SCHIP1: variants seen among roughly 807,000 people sequenced by gnomAD.
The protein encoded by SCHIP1 is schwannomin-interacting protein 1.
In SCHIP1, 8 loss-of-function variants were observed where a neutral mutation model predicts 29.7. The observed-to-expected ratio is 0.27, with a 90% CI of 0.16 to 0.49. The LOEUF (loss-of-function observed/expected upper bound fraction) is 0.49. Ranked by LOEUF, SCHIP1 falls within the 20% of genes least tolerant of loss-of-function variation. The pLI is 0.99. For synonymous variants in SCHIP1, 76 were observed against 94.9 expected (o/e 0.80, Z 1.16); for missense variants, 193 against 294.6 (o/e 0.66, Z 2.52).
the SCHIP1 span, among the ~76,000 whole-genome samples, chr3:159,811,495 T>C: frequency 5.3e-5 from 8 of 152,350 alleles, no homozygotes; most frequent in Admixed American, 2.6e-4. Flanking sequence ...TTCATCTTTC[T>C]GCATGCAGAT....
At chr3:159,629,142 AACAC>A in the SCHIP1 span, among the ~76,000 whole-genome samples, 2 of 150,396 alleles carry the variant, frequency 1.3e-5, no homozygotes, top group African/African-American at 4.9e-5. Flanking sequence ...GTTAAACAAA[AACAC>A]ACACACACAC....
chr3:159,665,546 T>TTGTATGTGTGTGTGTGTGTGTGTG, the SCHIP1 span, among the ~76,000 whole-genome samples: 33 of 147,460 alleles, frequency 2.2e-4, no homozygotes, highest in African/African-American at 8.0e-4. Context: ...GTTTTTGGGG[T>TTGTATGTGTGTGTGTGTGTGTGTG]TGTGTGTGTG....
At chr3:159,314,954 C>T in the SCHIP1 span, among the ~76,000 whole-genome samples, 7 of 152,224 alleles carry the variant, frequency 4.6e-5, no homozygotes, top group African/African-American at 7.2e-5. Flanking sequence ...AGGAACTGTG[C>T]GGCTATGAAC....
At chr3:159,674,069 C>A in the SCHIP1 span, among the ~76,000 whole-genome samples, 1 of 152,162 alleles carries the variant, frequency 6.6e-6, no homozygotes, top group East Asian at 1.9e-4. Context: ...ACACTACTTC[C>A]TTTGTTCTTC....
At chr3:159,518,280 T>C in the SCHIP1 span, among the ~76,000 whole-genome samples, 588 of 151,928 alleles carry the variant, frequency 3.9e-3, 3 homozygotes, top group African/African-American at 0.013. Flanking sequence ...ATTTAGAAAA[T>C]GATTGCATTT....
intron 1 of SCHIP1, among the ~76,000 whole-genome samples, chr3:159,858,633 T>C (rs1420935806): frequency 6.6e-6 from 1 of 152,214 alleles, no homozygotes; most frequent in Admixed American, 6.5e-5. Flanking sequence ...AGTTAGTTAT[T>C]AATTGTAAAT....
the SCHIP1 span, among the ~76,000 whole-genome samples, chr3:159,494,551 C>T: frequency 6.6e-6 from 1 of 152,180 alleles, no homozygotes; most frequent in South Asian, 2.1e-4. Flanking sequence ...AAGCCTAAAC[C>T]AGGAAGAATT....
intron 2 of SCHIP1, among the ~76,000 whole-genome samples, chr3:159,882,700 A>T (rs1473135260): frequency 2.0e-5 from 3 of 152,150 alleles, no homozygotes; most frequent in Non-Finnish European, 2.9e-5. Context: ...AGTTTTTGAG[A>T]TATTCTATTC....
At chr3:159,432,001 A>T in the SCHIP1 span, among the ~76,000 whole-genome samples, 1 of 151,930 alleles carries the variant, frequency 6.6e-6, no homozygotes, top group African/African-American at 2.4e-5. Context: ...AAGCAGTAGT[A>T]TAAAACTATA....
the SCHIP1 span, among the ~76,000 whole-genome samples, chr3:159,382,132 A>G: frequency 6.6e-6 from 1 of 151,380 alleles, no homozygotes; most frequent in African/African-American, 2.4e-5. Flanking sequence ...CTATACTTTA[A>G]GTTTTAGGGT....
chr3:159,527,018 A>G, the SCHIP1 span, among the ~76,000 whole-genome samples: 1 of 152,154 alleles, frequency 6.6e-6, no homozygotes, highest in Non-Finnish European at 1.5e-5. Flanking sequence ...ACCTATTATG[A>G]CATACACACA....
the SCHIP1 span, among the ~76,000 whole-genome samples, chr3:159,482,893 T>C: frequency 2.0e-5 from 3 of 152,190 alleles, no homozygotes; most frequent in Non-Finnish European, 2.9e-5. Context: ...AAATGTCAAA[T>C]GGCCAGGCAG....
the SCHIP1 span, among the ~76,000 whole-genome samples, chr3:159,417,964 G>C: frequency 6.6e-6 from 1 of 152,118 alleles, no homozygotes; most frequent in Admixed American, 6.6e-5. Context: ...ACAACATTCA[G>C]ATATATGAGT....
the SCHIP1 span, among the ~76,000 whole-genome samples, chr3:159,728,016 T>A: frequency 0.012 from 1,763 of 150,402 alleles, 17 homozygotes; most frequent in Non-Finnish European, 0.017. Flanking sequence ...TTTTTTTTTT[T>A]AAAAAGGCAA....
the SCHIP1 span, among the ~76,000 whole-genome samples, chr3:159,586,785 GAGGCCTGA>G: frequency 1.4e-3 from 219 of 152,240 alleles, no homozygotes; most frequent in African/African-American, 5.0e-3. Flanking sequence ...CTGGAATGAT[GAGGCCTGA>G]AGTCCTTCCA....
the SCHIP1 span, among the ~76,000 whole-genome samples, chr3:159,668,351 T>C: frequency 3.2e-5 from 4 of 123,904 alleles, no homozygotes; most frequent in Non-Finnish European, 4.6e-5. Context: ...CACTCCAGTC[T>C]GGGCGACAGA....
chr3:159,832,554 G>T, the SCHIP1 span, among the ~76,000 whole-genome samples: 4 of 152,056 alleles, frequency 2.6e-5, no homozygotes, highest in Admixed American at 6.6e-5. Flanking sequence ...CAACCACCCA[G>T]CTTCCACCCC....
At chr3:159,761,999 G>A in the SCHIP1 span, among the ~76,000 whole-genome samples, 1 of 152,146 alleles carries the variant, frequency 6.6e-6, no homozygotes, top group Non-Finnish European at 1.5e-5. Context: ...CACAGAGCAG[G>A]GAGCTTTTTG....
At chr3:159,516,572 A>G in the SCHIP1 span, among the ~76,000 whole-genome samples, 114 of 152,032 alleles carry the variant, frequency 7.5e-4, no homozygotes, top group Non-Finnish European at 1.4e-3. Context: ...CCCTCCTTCC[A>G]TTCTGCAGCT....
Sources: gnomAD v4.1 joint callset for allele counts (sites outside exome capture counted in the v4.1 genomes callset) on GRCh38, gnomAD v4.1.1 for gene constraint, MANE v1.5 for transcripts, NCBI Gene and HGNC (gene_info 2026-07-23, HGNC 2026-07-21) for gene names.